Variants in NMNAT2 observed in about 807,000 individuals in gnomAD.
NMNAT2 encodes nicotinamide nucleotide adenylyltransferase 2, also known as nicotinamide/nicotinic acid mononucleotide adenylyltransferase 2.
In NMNAT2, 11 loss-of-function variants were observed where a neutral mutation model predicts 41.6. The ratio of observed to expected loss-of-function variants is 0.26; its 90% confidence interval spans 0.17 to 0.44. The LOEUF (loss-of-function observed/expected upper bound fraction) is 0.44. NMNAT2 is among the 20% of genes least tolerant of loss of function. The probability of loss-of-function intolerance (pLI) is 1.00; values close to 1 mark genes in which losing one functional copy is unlikely to be tolerated. For missense variants in NMNAT2, 288 were observed against 407.7 expected (o/e 0.71, Z 2.53); for synonymous variants, 148 against 151.2 (o/e 0.98, Z 0.16).
chr1:183,346,156 G>A (rs1662924074), intron 1 of NMNAT2, among the ~76,000 whole-genome samples: 1 of 152,114 alleles, frequency 6.6e-6, no homozygotes, highest in South Asian at 2.1e-4. Context: ...CAGCTGGACT[G>A]TTTATTAGTA....
chr1:183,414,257 A>G (rs770744020), intron 1 of NMNAT2, among the ~76,000 whole-genome samples: 8 of 152,240 alleles, frequency 5.3e-5, no homozygotes, highest in Non-Finnish European at 8.8e-5. Flanking sequence ...GCAAGACCCT[A>G]TATCTACAAA....
At chr1:183,274,930 T>A (rs1661086274) in intron 8 of NMNAT2, among the ~76,000 whole-genome samples, 1 of 152,080 alleles carries the variant, frequency 6.6e-6, no homozygotes. Context: ...TGGAGCCCAC[T>A]CCTCCTCTCT....
chr1:183,283,834 A>AC (rs1661328920), intron 7 of NMNAT2, 161 bp downstream of exon 7: 4 of 711,676 alleles, frequency 5.6e-6, no homozygotes, highest in African/African-American at 5.2e-5. Context: ...GGAGCTAACT[A>AC]CGAATGCAAT....
chr1:183,360,730 A>C (rs1663289633), intron 1 of NMNAT2, among the ~76,000 whole-genome samples: 1 of 151,994 alleles, frequency 6.6e-6, no homozygotes, highest in African/African-American at 2.4e-5. Flanking sequence ...CACTGCAAAG[A>C]CTCCGGACCG....
intron 4 of NMNAT2, among the ~76,000 whole-genome samples, chr1:183,287,446 ACT>A (rs1460786371): frequency 6.6e-6 from 1 of 151,946 alleles, no homozygotes. Context: ...GGTTCTGAGC[ACT>A]CTCTCGCCTG....
intron 1 of NMNAT2, among the ~76,000 whole-genome samples, chr1:183,333,324 T>C (rs373117575): frequency 6.6e-6 from 1 of 152,204 alleles, no homozygotes; most frequent in African/African-American, 2.4e-5. Context: ...CCCATGAAGA[T>C]ATCCACATCC....
chr1:183,314,996 G>C (rs143035636), intron 1 of NMNAT2, among the ~76,000 whole-genome samples: 3 of 152,172 alleles, frequency 2.0e-5, no homozygotes, highest in African/African-American at 7.2e-5. Context: ...GGAAAAAGTC[G>C]TACACTTTGT....
At chr1:183,330,148 C>T (rs943289380) in intron 1 of NMNAT2, among the ~76,000 whole-genome samples, 6 of 152,184 alleles carry the variant, frequency 3.9e-5, no homozygotes, top group Non-Finnish European at 7.3e-5. Flanking sequence ...AGCTACTTAG[C>T]GGCTTTATGC....
intron 1 of NMNAT2, among the ~76,000 whole-genome samples, chr1:183,407,674 C>T (rs570656533): frequency 2.6e-5 from 4 of 152,132 alleles, no homozygotes; most frequent in Non-Finnish European, 5.9e-5. Context: ...GCACAATGTG[C>T]TAAGTACTAT....
At chr1:183,376,084 T>C (rs571063243) in intron 1 of NMNAT2, among the ~76,000 whole-genome samples, 1 of 152,172 alleles carries the variant, frequency 6.6e-6, no homozygotes, top group Non-Finnish European at 1.5e-5. Flanking sequence ...GGGGAACACC[T>C]AAGGAGTGCT....
rs1661320108 is a variant in NMNAT2 at position 183,283,495 on chromosome 1, CTGCTCTGGT to C, written c.574+491_574+499del. ...TCCACCGGCTCGGGCCTGCCCTGGCCTGCTCTGGTATTGGGTTGGGCAGGCAGCCCTCAC... is the reference window on the plus strand; with the variant it reads ...TCCACCGGCTCGGGCCTGCCCTGGCCATTGGGTTGGGCAGGCAGCCCTCAC... On this transcript the variant is annotated intron_variant, in intron 7 of 10. Coordinates refer to ENST00000287713, the MANE Select transcript of NMNAT2 (RefSeq NM_015039.4). The C allele has an allele frequency of 2.0e-4, 36 of 184,592 alleles. 1 individual carries two copies. The South Asian group carries it at 3.5e-3, about 18-fold the overall frequency. 11.4% of individuals were successfully genotyped at this position (184,592 alleles called of 1,614,324 possible).
chr1:183,308,871 G>A (rs905183090), intron 1 of NMNAT2, among the ~76,000 whole-genome samples: 2 of 152,178 alleles, frequency 1.3e-5, no homozygotes, highest in Non-Finnish European at 2.9e-5. Flanking sequence ...CAGAGAGAGG[G>A]AGGAGCTTTG....
chr1:183,350,528 A>C (rs1663023311), intron 1 of NMNAT2, among the ~76,000 whole-genome samples: 1 of 152,220 alleles, frequency 6.6e-6, no homozygotes, highest in Non-Finnish European at 1.5e-5. Flanking sequence ...TGCATGTCTG[A>C]CTTTCAAAGG....
At chr1:183,409,196 T>TA (rs927078726) in intron 1 of NMNAT2, among the ~76,000 whole-genome samples, 6 of 151,750 alleles carry the variant, frequency 4.0e-5, no homozygotes, top group African/African-American at 7.2e-5. Flanking sequence ...CTCTAAAAAT[T>TA]AAAAAAAAAT....
At chr1:183,255,189 GCTT>G (rs1369692068) in intron 10 of NMNAT2, among the ~76,000 whole-genome samples, 1 of 152,064 alleles carries the variant, frequency 6.6e-6, no homozygotes, top group East Asian at 1.9e-4. Flanking sequence ...TCTTTATTGT[GCTT>G]TTTTGGTACC....
intron 1 of NMNAT2, among the ~76,000 whole-genome samples, chr1:183,326,480 T>C (rs1378279051): frequency 6.6e-6 from 1 of 150,798 alleles, no homozygotes. Context: ...TTTTGAGGCA[T>C]GAATGAAGAG....
chr1:183,266,808 A>G, intron 8 of NMNAT2: 1 of 190,810 alleles, frequency 5.2e-6, no homozygotes. Flanking sequence ...CATGGCCTGG[A>G]TCTTACCCAT....
intron 8 of NMNAT2, 109 bp downstream of exon 8, chr1:183,278,444 T>C: frequency 1.4e-6 from 1 of 705,562 alleles, no homozygotes; most frequent in South Asian, 1.6e-5. Context: ...GTGAACGGAC[T>C]GCCCTCTTAG....
intron 1 of NMNAT2, among the ~76,000 whole-genome samples, chr1:183,294,965 A>G (rs1314568601): frequency 6.6e-6 from 1 of 152,174 alleles, no homozygotes; most frequent in Non-Finnish European, 1.5e-5. Context: ...GGATTTCTTA[A>G]CACTTGAAAA....
Sources: allele counts gnomAD v4.1 joint callset (sites outside exome capture counted in the v4.1 genomes callset), GRCh38; gene constraint gnomAD v4.1.1; transcripts MANE v1.5; gene names NCBI Gene and HGNC (gene_info 2026-07-23, HGNC 2026-07-21).